CSMD2: variants seen among roughly 807,000 people sequenced by gnomAD.
The protein encoded by CSMD2 is CUB and sushi domain-containing protein 2.
A neutral mutation model predicts 398.5 loss-of-function variants in CSMD2; 130 were observed. The observed-to-expected ratio is 0.33, with a 90% CI of 0.28 to 0.38. The LOEUF is 0.38. Ranked by LOEUF, CSMD2 falls within the 10% of genes least tolerant of loss-of-function variation. The pLI, the probability that CSMD2 is intolerant of heterozygous loss-of-function variation, is 1.00. For missense variants in CSMD2, 3,829 were observed against 4,764.9 expected, an observed-to-expected ratio of 0.80 and a Z score of 5.78; for synonymous variants, 1,828 against 1,908.5, an observed-to-expected ratio of 0.96 and a Z score of 1.10.
At chr1:33,923,262 T>C (rs1469822495) in intron 4 of CSMD2, among the ~76,000 whole-genome samples, 1 of 152,142 alleles carries the variant, frequency 6.6e-6, no homozygotes, top group Non-Finnish European at 1.5e-5. Flanking sequence ...GATGGATGCC[T>C]CATGGCTTGG....
chr1:33,706,856 TGC>T (rs1045508808), intron 22 of CSMD2, among the ~76,000 whole-genome samples: 27 of 150,358 alleles, frequency 1.8e-4, no homozygotes, highest in African/African-American at 6.6e-4. Flanking sequence ...GTGCATTGTG[TGC>T]GTGTGCATGT....
intron 53 of CSMD2, among the ~76,000 whole-genome samples, chr1:33,561,869 T>C (rs1018408324): frequency 4.6e-5 from 7 of 152,138 alleles, no homozygotes; most frequent in Admixed American, 3.3e-4. Flanking sequence ...TGCAGCCAGC[T>C]CGGGAGAGGG....
intron 53 of CSMD2, among the ~76,000 whole-genome samples, chr1:33,565,126 C>CA (rs1658933449): frequency 6.6e-6 from 1 of 152,134 alleles, no homozygotes; most frequent in Non-Finnish European, 1.5e-5. Flanking sequence ...TTGTGGAGAG[C>CA]AAGACTGTAT....
rs1650613441 is a variant in CSMD2, at chr1:34,032,725, G to A, written c.405-19C>T. ...TGTGAGCCTGAAAGACAAAGAATTGGATTAGGGAGAATGACCCCCTTGGGA... is the reference window on the plus strand; with the variant it reads ...TGTGAGCCTGAAAGACAAAGAATTGAATTAGGGAGAATGACCCCCTTGGGA... On this transcript the variant is annotated intron_variant, in intron 2 of 70. Coordinates refer to ENST00000373381, the MANE Select transcript of CSMD2 (RefSeq NM_001281956.2). 6.5e-7 allele frequency: 1 copy of A among 1,533,466 alleles called. No homozygotes were observed. The highest frequency in any genetic ancestry group is 1.2e-5 in the South Asian group (1 of 84,050). 95.0% of individuals were successfully genotyped at this position (1,533,466 alleles called of 1,614,324 possible).
At position 33,662,779 on chromosome 1, in the gene CSMD2, CA is replaced by C. The variant is rs1644179919; in HGVS notation, c.4255+110del. ...ATGTACCAGGCACATAGCAGATGTTCAATAACTATCTTTACATGGACTGAGG... is the reference window on the plus strand; with the variant it reads ...ATGTACCAGGCACATAGCAGATGTTCATAACTATCTTTACATGGACTGAGG... On this transcript the variant is annotated intron_variant, in intron 26 of 70. Transcript: ENST00000373381. 4 of 994,988 alleles carry C rather than the reference CA, an allele frequency of 4.0e-6. No homozygotes were observed. In the South Asian group the frequency reaches 5.6e-5, roughly 14 times the overall value. The allele number at this position is 994,988 out of a possible 1,614,324, so 61.6% of individuals were successfully genotyped here.
At chr1:34,136,904 C>T (rs1243451549) in intron 1 of CSMD2, among the ~76,000 whole-genome samples, 3 of 152,090 alleles carry the variant, frequency 2.0e-5, no homozygotes, top group Non-Finnish European at 4.4e-5. Flanking sequence ...TCTATCAAGC[C>T]AATCCTGCCA....
intron 13 of CSMD2, among the ~76,000 whole-genome samples, chr1:33,751,067 T>C (rs914295707): frequency 1.3e-5 from 2 of 152,064 alleles, no homozygotes; most frequent in Non-Finnish European, 2.9e-5. Flanking sequence ...CAGAAAGATG[T>C]ACACTCAACA....
intron 55 of CSMD2, among the ~76,000 whole-genome samples, chr1:33,553,621 A>G (rs1657670552): frequency 6.6e-6 from 1 of 152,220 alleles, no homozygotes; most frequent in African/African-American, 2.4e-5. Context: ...CTTAGTGAGG[A>G]AGGCATGTCG....
intron 1 of CSMD2, among the ~76,000 whole-genome samples, chr1:34,094,774 C>G (rs1368868777): frequency 6.6e-6 from 1 of 152,140 alleles, no homozygotes; most frequent in Non-Finnish European, 1.5e-5. Context: ...CCTGAGTGGC[C>G]TACAAGGAGA....
intron 5 of CSMD2, among the ~76,000 whole-genome samples, chr1:33,912,996 A>G (rs1643539480): frequency 6.6e-6 from 1 of 151,878 alleles, no homozygotes; most frequent in South Asian, 2.1e-4. Context: ...TATTTTTTGT[A>G]GAGACAGGTG....
chr1:33,891,350 T>C (rs1037654332), intron 5 of CSMD2, among the ~76,000 whole-genome samples: 1 of 150,722 alleles, frequency 6.6e-6, no homozygotes, highest in Non-Finnish European at 1.5e-5. Flanking sequence ...CACAATGAGA[T>C]ACCATCTCAC....
intron 7 of CSMD2, among the ~76,000 whole-genome samples, chr1:33,823,733 G>A (rs1658447213): frequency 1.3e-5 from 2 of 152,202 alleles, no homozygotes; most frequent in South Asian, 4.1e-4. Context: ...CTGGGTCTGA[G>A]GCAGCTGGAG....
chr1:33,661,417 A>G (rs1454269002), intron 26 of CSMD2, among the ~76,000 whole-genome samples: 1 of 152,112 alleles, frequency 6.6e-6, no homozygotes, highest in Non-Finnish European at 1.5e-5. Context: ...GAAAAAAGTC[A>G]TCCATGATGG....
At position 33,796,205 on chromosome 1, in the gene CSMD2, C is replaced by T. The variant is rs141060813; in HGVS notation, c.1447-3679G>A. Among the ~76,000 whole-genome samples the T allele has an allele frequency of 7.2e-4, 109 of 152,294 alleles. 1 individual carries two copies. Among genetic ancestry groups the T allele is most frequent in the Admixed American group, 2.6e-3 (40 of 15,298 alleles). On this transcript the variant is annotated intron_variant, in intron 10 of 70. Transcript: ENST00000373381. ...TAGTCTTTGATCATCTTCTCTTATG[C>T]GATTTCATCACTCCAAGAGCTGAGA... is the stretch of plus-strand genomic sequence containing the variant.
intron 25 of CSMD2, among the ~76,000 whole-genome samples, chr1:33,683,516 T>A (rs1200940685): frequency 6.6e-6 from 1 of 152,234 alleles, no homozygotes; most frequent in Admixed American, 6.5e-5. Context: ...TTTCTTTGGT[T>A]GAATAGTTTA....
intron 3 of CSMD2, among the ~76,000 whole-genome samples, chr1:34,018,794 G>C (rs1648485010): frequency 6.6e-6 from 1 of 152,182 alleles, no homozygotes. Flanking sequence ...ATTCAAGTCA[G>C]TTGTTTCTCT....
chr1:33,852,923 T>C (rs1407121), intron 5 of CSMD2, among the ~76,000 whole-genome samples: 76,535 of 152,062 alleles, frequency 0.5, 19,338 homozygotes, highest in East Asian at 0.61. Flanking sequence ...TTGTGCAAGA[T>C]GATGACTTGC....
chr1:33,932,544 A>C (rs1260030744), intron 4 of CSMD2, among the ~76,000 whole-genome samples: 1 of 152,138 alleles, frequency 6.6e-6, no homozygotes, highest in African/African-American at 2.4e-5. Flanking sequence ...GAATGCCAGA[A>C]GAGTGGTATC....
At chr1:34,044,010 T>C (rs557661388) in intron 2 of CSMD2, among the ~76,000 whole-genome samples, 1 of 152,322 alleles carries the variant, frequency 6.6e-6, no homozygotes, top group East Asian at 1.9e-4. Context: ...GCCTGGCTTC[T>C]CCCAGCCATC....
Sources: gnomAD v4.1 joint callset for allele counts (sites outside exome capture counted in the v4.1 genomes callset) on GRCh38, gnomAD v4.1.1 for gene constraint, MANE v1.5 for transcripts, NCBI Gene and HGNC (gene_info 2026-07-23, HGNC 2026-07-21) for gene names.